SOCS6: variants seen among roughly 807,000 people sequenced by gnomAD.
The protein encoded by SOCS6 is STAT induced STAT inhibitor-4.
Under a neutral mutation model 27.7 loss-of-function variants are expected in SOCS6, and 5 were observed. That is an observed-to-expected ratio of 0.18 (90% CI 0.09 to 0.38). The LOEUF (loss-of-function observed/expected upper bound fraction) is 0.38, where lower values mean the gene tolerates loss of function less well. Ranked by LOEUF, SOCS6 falls within the 10% of genes least tolerant of loss-of-function variation. The pLI, the probability that SOCS6 is intolerant of heterozygous loss-of-function variation, is 1.00. For missense variants in SOCS6, 595 were observed against 688.1 expected (o/e 0.86, Z 1.51); for synonymous variants, 271 against 260.0 (o/e 1.04, Z -0.41).
At chr18:70,322,454 C>A (rs1911026390) in intron 1 of SOCS6, among the ~76,000 whole-genome samples, 1 of 152,084 alleles carries the variant, frequency 6.6e-6, no homozygotes, top group Non-Finnish European at 1.5e-5. Flanking sequence ...GAATAATTTT[C>A]AAGCAGGTAA....
rs149015315 is a variant in SOCS6, at chr18:70,325,556, G to T, written c.888G>T (p.Met296Ile). 289 of 1,614,184 alleles carry T rather than the reference G, an allele frequency of 1.8e-4. No individual in the cohort carries two copies. In the African/African-American group the frequency reaches 3.1e-3, roughly 18 times the overall value. Residue 296 changes from methionine (M) to isoleucine (I), a missense_variant, in exon 2 of 2, where the codon ATG becomes ATT. Coordinates refer to ENST00000397942, the MANE Select transcript of SOCS6 (RefSeq NM_004232.4). This position sits in a 1 kb window ranked among gnomAD's most constrained non-coding sequence, Gnocchi z 6.3. ...NGLLIGTTGV[M>I]LQSPRAGHDD... ...TGTTGATTGGCACCACGGGAGTCATGTTGCAGAGCCCGAGAGCGGGTCACG... is the reference window on the plus strand; with the variant it reads ...TGTTGATTGGCACCACGGGAGTCATTTTGCAGAGCCCGAGAGCGGGTCACG...
intron 1 of SOCS6, among the ~76,000 whole-genome samples, chr18:70,302,303 C>T (rs962720227): frequency 6.6e-6 from 1 of 151,506 alleles, no homozygotes; most frequent in African/African-American, 2.4e-5. Flanking sequence ...CCATCTGCTG[C>T]GATATTAAAT....
At chr18:70,292,096 C>T (rs2146256794) in intron 1 of SOCS6, among the ~76,000 whole-genome samples, 1 of 152,228 alleles carries the variant, frequency 6.6e-6, no homozygotes, top group South Asian at 2.1e-4. Context: ...TTACATTTTA[C>T]TTCGTTGGGG....
chr18:70,323,642 C>T (rs1452895541), intron 1 of SOCS6, among the ~76,000 whole-genome samples: 1 of 152,158 alleles, frequency 6.6e-6, no homozygotes, highest in African/African-American at 2.4e-5. Flanking sequence ...GCATTGGGAA[C>T]TTGAAGGTAA....
At chr18:70,318,136 G>A (rs986367733) in intron 1 of SOCS6, among the ~76,000 whole-genome samples, 33 of 152,246 alleles carry the variant, frequency 2.2e-4, no homozygotes, top group African/African-American at 7.2e-4. Flanking sequence ...GATGACAGGC[G>A]TGAACCACTG....
chr18:70,292,852 G>A (rs1429408481), intron 1 of SOCS6, among the ~76,000 whole-genome samples: 2 of 152,172 alleles, frequency 1.3e-5, no homozygotes, highest in African/African-American at 2.4e-5. Context: ...TGCCTTCGGT[G>A]GCTCCTGTGG....
chr18:70,313,322 A>G (rs183172566), intron 1 of SOCS6, among the ~76,000 whole-genome samples: 1 of 152,006 alleles, frequency 6.6e-6, no homozygotes. Context: ...TTTGTCATAT[A>G]TATTTGCAGT....
At position 70,327,416 on chromosome 18, in the gene SOCS6, T is replaced by C. The variant is rs1568607338; in HGVS notation, c.*1140T>C. The C allele has an allele frequency of 6.0e-6, 1 of 166,814 alleles. No individual in the cohort carries two copies. The highest frequency in any genetic ancestry group is 1.5e-5 in the Non-Finnish European group (1 of 68,078). 10.3% of individuals were successfully genotyped at this position (166,814 alleles called of 1,614,324 possible). On this transcript the variant is annotated 3_prime_UTR_variant, in exon 2 of 2. Transcript: ENST00000397942. ...CTATAAAGAGAACCCGTGATGACTTTAGTTTAAAAATTGTGGAAATTGTGG... is the reference window on the plus strand; with the variant it reads ...CTATAAAGAGAACCCGTGATGACTTCAGTTTAAAAATTGTGGAAATTGTGG...
chr18:70,305,862 C>A (rs2062367137), intron 1 of SOCS6, among the ~76,000 whole-genome samples: 1 of 151,796 alleles, frequency 6.6e-6, no homozygotes, highest in Non-Finnish European at 1.5e-5. Flanking sequence ...TTTATTGTTG[C>A]TAGGTTTGTA....
intron 1 of SOCS6, among the ~76,000 whole-genome samples, chr18:70,299,158 G>C (rs928846108): frequency 1.3e-5 from 2 of 152,000 alleles, no homozygotes; most frequent in African/African-American, 4.8e-5. Context: ...CAACATTTCA[G>C]TTAATTCAGA....
chr18:70,296,127 G>A (rs7239520), intron 1 of SOCS6, among the ~76,000 whole-genome samples: 14 of 152,112 alleles, frequency 9.2e-5, no homozygotes, highest in Non-Finnish European at 2.9e-5. Flanking sequence ...TTAGTTTACC[G>A]CCTTGATATG....
chr18:70,293,020 T>TTG (rs1375774074), intron 1 of SOCS6, among the ~76,000 whole-genome samples: 1 of 152,156 alleles, frequency 6.6e-6, no homozygotes, highest in Non-Finnish European at 1.5e-5. Context: ...AATTACTTTG[T>TTG]TTACTTGTTT....
Position 70,329,836 on chromosome 18 carries a change from C to G in SOCS6, c.*3560C>G, listed in dbSNP as rs1197997401. ...CATAACATGGCGAAGTGTGTAGTTGCTGTTTCTGAAAAGTGATCCAAACTC... is the reference window on the plus strand; with the variant it reads ...CATAACATGGCGAAGTGTGTAGTTGGTGTTTCTGAAAAGTGATCCAAACTC... On this transcript the variant is annotated 3_prime_UTR_variant, in exon 2 of 2. Coordinates refer to ENST00000397942, the MANE Select transcript of SOCS6 (RefSeq NM_004232.4). 3 of 166,946 alleles carry G rather than the reference C, an allele frequency of 1.8e-5. No homozygotes were observed. The highest frequency in any genetic ancestry group is 7.2e-5 in the African/African-American group (3 of 41,430). The allele number at this position is 166,946 out of a possible 1,614,324, so 10.3% of individuals were successfully genotyped here. A position where few individuals can be genotyped will look rare whatever the true frequency, so the allele number is the denominator to read the frequency against.
At chr18:70,322,522 T>C (rs1462809943) in intron 1 of SOCS6, among the ~76,000 whole-genome samples, 1 of 152,188 alleles carries the variant, frequency 6.6e-6, no homozygotes, top group Non-Finnish European at 1.5e-5. Context: ...ATGGGTGTGA[T>C]AGTGGGAAGC....
chr18:70,308,913 TC>T (rs2062379619), intron 1 of SOCS6, among the ~76,000 whole-genome samples: 1 of 152,222 alleles, frequency 6.6e-6, no homozygotes, highest in African/African-American at 2.4e-5. Flanking sequence ...TTTTTTCCTG[TC>T]CTTTTTAAGT....
chr18:70,321,577 G>A (rs1369411396), intron 1 of SOCS6, among the ~76,000 whole-genome samples: 3 of 147,896 alleles, frequency 2.0e-5, no homozygotes, highest in Admixed American at 1.4e-4. Context: ...CAGGTGATCC[G>A]CCTCGGCCTC....
At chr18:70,296,348 T>A (rs41376245) in intron 1 of SOCS6, among the ~76,000 whole-genome samples, 21,193 of 152,130 alleles carry the variant, frequency 0.14, 1,695 homozygotes, top group Middle Eastern at 0.23. Context: ...TGAATAGAGG[T>A]CTGTGTCTTG....
chr18:70,302,049 G>A (rs571370105), intron 1 of SOCS6, among the ~76,000 whole-genome samples: 1 of 152,306 alleles, frequency 6.6e-6, no homozygotes. Context: ...GAGAGATGGG[G>A]CTGCAGCTGG....
intron 1 of SOCS6, among the ~76,000 whole-genome samples, chr18:70,295,775 G>A (rs941094383): frequency 3.3e-5 from 5 of 152,160 alleles, no homozygotes; most frequent in South Asian, 2.1e-4. Flanking sequence ...GATTATCTTC[G>A]TCCTTGCACA....
Sources: gnomAD v4.1 joint callset for allele counts (sites outside exome capture counted in the v4.1 genomes callset) on GRCh38, gnomAD v4.1.1 for gene constraint, Gnocchi (gnomAD v3.1) non-coding constraint, MANE v1.5 for transcripts, NCBI Gene and HGNC (gene_info 2026-07-23, HGNC 2026-07-21) for gene names.